The following PDE1A variants were observed in gnomAD, a reference collection of about 807,000 sequenced individuals.
The protein encoded by PDE1A is dual specificity calcium/calmodulin-dependent 3',5'-cyclic nucleotide phosphodiesterase 1A.
PDE1A carries 35 observed loss-of-function variants against 61.7 expected under a neutral mutation model. That is an observed-to-expected ratio of 0.57 (90% CI 0.43 to 0.75). The LOEUF (loss-of-function observed/expected upper bound fraction) is 0.75. PDE1A is among the 30% of genes least tolerant of loss of function. The probability of loss-of-function intolerance (pLI) is 0.00; values close to 1 mark genes in which losing one functional copy is unlikely to be tolerated. For missense variants in PDE1A, 597 were observed against 630.6 expected (o/e 0.95, Z 0.57); for synonymous variants, 232 against 213.2 (o/e 1.09, Z -0.77).
rs182068681 is a variant in PDE1A at position 182,395,959 on chromosome 2, C to T, written c.53+30619G>A. ...CTATCATGAACTTGGTGCTTTCTTA[C>T]CCATCTAGCCATAAAGTGGGTCATG... On this transcript the variant is annotated intron_variant, in intron 1 of 13. Coordinates refer to ENST00000351439, the Ensembl canonical transcript of PDE1A. 6.6e-5 allele frequency among the ~76,000 whole-genome samples: 10 copies of T among 152,312 alleles called. No homozygotes were observed. The East Asian group carries it at 1.7e-3, about 26-fold the overall frequency.
At chr2:182,568,229 G>A in the PDE1A span, among the ~76,000 whole-genome samples, 2 of 151,586 alleles carry the variant, frequency 1.3e-5, no homozygotes, top group Non-Finnish European at 1.5e-5. Context: ...CTTTAATAAC[G>A]AGTTATTAAA....
At chr2:182,288,355 A>G (rs768832660) in intron 1 of PDE1A, among the ~76,000 whole-genome samples, 3 of 152,136 alleles carry the variant, frequency 2.0e-5, no homozygotes, top group Non-Finnish European at 4.4e-5. Context: ...CAATTTACAA[A>G]TCACAGTGTA....
At chr2:182,192,957 C>T (rs555752293) in intron 10 of PDE1A, among the ~76,000 whole-genome samples, 1 of 151,980 alleles carries the variant, frequency 6.6e-6, no homozygotes, top group Non-Finnish European at 1.5e-5. Context: ...TTCTCTGAAA[C>T]CAAAAAAATT....
chr2:182,159,672 T>C (rs1691273374), intron 13 of PDE1A, among the ~76,000 whole-genome samples: 1 of 152,132 alleles, frequency 6.6e-6, no homozygotes, highest in Admixed American at 6.6e-5. Context: ...CTGAGGAGAA[T>C]AAGAATTAAT....
chr2:182,389,541 A>G (rs1404226630), intron 1 of PDE1A, among the ~76,000 whole-genome samples: 1 of 152,208 alleles, frequency 6.6e-6, no homozygotes, highest in Non-Finnish European at 1.5e-5. Context: ...AAACCAAATA[A>G]CATGCAATAA....
the PDE1A span, among the ~76,000 whole-genome samples, chr2:182,555,947 C>G: frequency 9.7e-6 from 1 of 103,436 alleles, no homozygotes; most frequent in African/African-American, 3.9e-5. Flanking sequence ...AGCCTGGAGA[C>G]AGAGGGAAAC....
In PDE1A at chr2:182,502,228, T is replaced by C. The variant is rs558491367; in HGVS notation, c.101+20048A>G. On this transcript the variant is annotated intron_variant, in intron 2 of 14. Coordinates refer to the PDE1A transcript ENST00000410103. Reference sequence around the variant, plus strand: ...CATTCTGTCTTCCCTCTTGCTATCATAGATAAGCCGCCCTGCTCCTAGACT... The same window carrying C: ...CATTCTGTCTTCCCTCTTGCTATCACAGATAAGCCGCCCTGCTCCTAGACT... 1.5e-4 allele frequency among the ~76,000 whole-genome samples: 23 copies of C among 152,332 alleles called. No homozygotes were observed. The South Asian group carries it at 4.3e-3, about 29-fold the overall frequency.
intron 1 of PDE1A, among the ~76,000 whole-genome samples, chr2:182,268,633 GTA>G (rs1046607973): frequency 3.3e-5 from 5 of 152,034 alleles, no homozygotes; most frequent in African/African-American, 1.2e-4. Context: ...GCAAACTGGT[GTA>G]GTCACTCTTC....
chr2:182,631,444 CAATGGATTGTACAATG>C, the PDE1A span, among the ~76,000 whole-genome samples: 1 of 152,294 alleles, frequency 6.6e-6, no homozygotes, highest in East Asian at 1.9e-4. Context: ...ATCAGGCTCT[CAATGGATTGTACAATG>C]CCACATTAGG....
chr2:182,665,787 T>C, the PDE1A span, among the ~76,000 whole-genome samples: 1 of 152,158 alleles, frequency 6.6e-6, no homozygotes, highest in African/African-American at 2.4e-5. Flanking sequence ...TGCAGCACTA[T>C]TTACAATAGC....
chr2:182,488,348 C>A (rs1688158706), intron 2 of PDE1A, among the ~76,000 whole-genome samples: 1 of 152,156 alleles, frequency 6.6e-6, no homozygotes, highest in Admixed American at 6.5e-5. Context: ...TTCTTCACAA[C>A]TGCGACCTTC....
intron 1 of PDE1A, among the ~76,000 whole-genome samples, chr2:182,419,792 C>G (rs896208648): frequency 2.0e-5 from 3 of 152,110 alleles, no homozygotes; most frequent in Non-Finnish European, 2.9e-5. Context: ...TTCGCACCTA[C>G]TACGTTCCCA....
intron 1 of PDE1A, among the ~76,000 whole-genome samples, chr2:182,384,226 GCACACA>G (rs1700895232): frequency 6.6e-6 from 1 of 152,078 alleles, no homozygotes; most frequent in Non-Finnish European, 1.5e-5. Context: ...TTTCAAATAT[GCACACA>G]TAGACACATG....
chr2:182,563,016 T>A, the PDE1A span, among the ~76,000 whole-genome samples: 2 of 152,222 alleles, frequency 1.3e-5, no homozygotes, highest in Non-Finnish European at 2.9e-5. Flanking sequence ...CCTCCTGGAT[T>A]CATTAATTTT....
At chr2:182,619,685 A>T in the PDE1A span, among the ~76,000 whole-genome samples, 3 of 152,170 alleles carry the variant, frequency 2.0e-5, no homozygotes, top group Non-Finnish European at 4.4e-5. Context: ...CTTTTGACAC[A>T]TAAGTGTTAT....
intron 1 of PDE1A, among the ~76,000 whole-genome samples, chr2:182,412,560 A>G (rs1291590387): frequency 1.3e-5 from 2 of 152,196 alleles, no homozygotes; most frequent in East Asian, 3.8e-4. Flanking sequence ...AATGGTTATT[A>G]CTGCCATGGG....
chr2:182,626,782 CAT>C, the PDE1A span, among the ~76,000 whole-genome samples: 1 of 2,558 alleles, frequency 3.9e-4, no homozygotes, highest in African/African-American at 8.8e-4. Context: ...CATATATATA[CAT>C]ATATATACAT....
the PDE1A span, among the ~76,000 whole-genome samples, chr2:182,625,463 A>T: frequency 6.6e-6 from 1 of 152,302 alleles, no homozygotes; most frequent in African/African-American, 2.4e-5. Flanking sequence ...GACTCTTAAC[A>T]ATTGATATTA....
chr2:182,460,006 G>T (rs1362799812), intron 2 of PDE1A, among the ~76,000 whole-genome samples: 1 of 152,064 alleles, frequency 6.6e-6, no homozygotes, highest in African/African-American at 2.4e-5. Context: ...ACTGACAACT[G>T]CCAAGTCATC....
Sources: gnomAD v4.1 joint callset for allele counts (sites outside exome capture counted in the v4.1 genomes callset) on GRCh38, gnomAD v4.1.1 for gene constraint, MANE v1.5 for transcripts, NCBI Gene and HGNC (gene_info 2026-07-23, HGNC 2026-07-21) for gene names.